NRP2: variants seen among roughly 807,000 people sequenced by gnomAD.
NRP2 encodes neuropilin 2, also known as neuropilin-2.
Under a neutral mutation model 110.4 loss-of-function variants are expected in NRP2, and 52 were observed. That is an observed-to-expected ratio of 0.47 (90% CI 0.38 to 0.59). The LOEUF (loss-of-function observed/expected upper bound fraction) is 0.59, where lower values mean the gene tolerates loss of function less well. NRP2 is among the 20% of genes least tolerant of loss of function. NRP2 has a pLI of 0.00. For missense variants in NRP2, 1,049 were observed against 1,203.0 expected, an observed-to-expected ratio of 0.87 and a Z score of 1.89; for synonymous variants, 508 against 468.9, an observed-to-expected ratio of 1.08 and a Z score of -1.08.
chr2:205,702,747 TC>T (rs1157067191), intron 2 of NRP2, among the ~76,000 whole-genome samples: 2 of 152,202 alleles, frequency 1.3e-5, no homozygotes, highest in Non-Finnish European at 2.9e-5. Context: ...CAGCAGTGTT[TC>T]CCTGTGCTCA....
chr2:205,780,040 A>G (rs986748095), intron 15 of NRP2, among the ~76,000 whole-genome samples: 13 of 152,212 alleles, frequency 8.5e-5, no homozygotes, highest in Admixed American at 7.2e-4. Flanking sequence ...ATTAGATTCT[A>G]CTTTCAAAGG....
chr2:205,722,165 T>TCA (rs1332297394), intron 3 of NRP2: 36 of 337,688 alleles, frequency 1.1e-4, no homozygotes, highest in African/African-American at 8.4e-4. Flanking sequence ...TCTCTCTCTC[T>TCA]CTCTCATACA....
intron 15 of NRP2, chr2:205,779,464 A>T (rs1289757861): frequency 2.6e-5 from 4 of 152,238 alleles, no homozygotes; most frequent in African/African-American, 9.6e-5. Context: ...TTGATAGCCG[A>T]TCTTTAAGAA....
chr2:205,752,484 T>A, intron 11 of NRP2: 3 of 343,520 alleles, frequency 8.7e-6, no homozygotes, highest in South Asian at 7.4e-5. Context: ...ACCAGGGCAC[T>A]GGGGAGACAT....
intron 13 of NRP2, 125 bp from the exon 14 acceptor site, chr2:205,765,348 TA>T (rs1306407757): frequency 3.1e-6 from 2 of 635,076 alleles, no homozygotes; most frequent in Non-Finnish European, 5.6e-6. Flanking sequence ...CCAGGTGCAA[TA>T]ACACACACAC....
Position 205,749,828 on chromosome 2 carries a change from C to T in NRP2, c.1890C>T (p.Cys630=). The part of the protein sequence containing the change: ...EEEATECGEN[C]SFEDDKDLQL... The stretch of plus-strand genomic sequence containing the variant: ...AGGCCACAGAGTGTGGGGAGAACTG[C>T]AGCTTTGAGGATGGTAAGCACAAAT... Residue 630 remains cysteine, a synonymous_variant, in exon 11 of 17, where the codon TGC becomes TGT. Coordinates refer to ENST00000357785, the MANE Select transcript of NRP2 (RefSeq NM_003872.3). 6.2e-7 allele frequency: 1 copy of T among 1,613,614 alleles called. No homozygotes were observed.
rs189245997 is a variant in NRP2 at position 205,774,467 on chromosome 2, G to A, written c.2425+7664G>A. Among the ~76,000 whole-genome samples the A allele has an allele frequency of 1.6e-4, 25 of 152,296 alleles. No homozygotes were observed. The East Asian group carries it at 4.0e-3, about 25-fold the overall frequency. On this transcript the variant is annotated intron_variant, in intron 15 of 16. Transcript: ENST00000357785. Reference sequence around the variant, plus strand: ...TTCTGGGGTCATTTCTACCCCAGGGGTTGTGGATGTGGCTGTCAAGGTGTG... The same window carrying A: ...TTCTGGGGTCATTTCTACCCCAGGGATTGTGGATGTGGCTGTCAAGGTGTG...
chr2:205,766,901 G>A, intron 15 of NRP2, 98 bp downstream of exon 15: 1 of 1,122,680 alleles, frequency 8.9e-7, no homozygotes, highest in Non-Finnish European at 1.3e-6. Flanking sequence ...CTCCAAATTT[G>A]TCAAATCTCG....
chr2:205,768,049 C>CATCA (rs1335486592), intron 15 of NRP2: 1 of 152,360 alleles, frequency 6.6e-6, no homozygotes, highest in African/African-American at 2.4e-5. Context: ...ATTTGCCACT[C>CATCA]ATCAGCTCTA....
intron 15 of NRP2, chr2:205,779,253 G>A (rs1362752088): frequency 1.3e-5 from 2 of 152,158 alleles, no homozygotes; most frequent in African/African-American, 4.8e-5. Flanking sequence ...CTTATTTCTG[G>A]GTTGAACTCC....
At chr2:205,764,104 C>T (rs2057871301) in intron 13 of NRP2, 168 bp downstream of exon 13, 4 of 842,000 alleles carry the variant, frequency 4.8e-6, no homozygotes, top group Admixed American at 5.6e-5. Context: ...ATGCCTATCT[C>T]TACACCCAGA....
chr2:205,731,147 T>C (rs950404260), intron 7 of NRP2, among the ~76,000 whole-genome samples: 1 of 152,194 alleles, frequency 6.6e-6, no homozygotes, highest in Non-Finnish European at 1.5e-5. Flanking sequence ...CCGCCTTATG[T>C]ATATTTATGG....
intron 3 of NRP2, 108 bp downstream of exon 3, chr2:205,716,482 T>C (rs2056898497): frequency 8.5e-7 from 1 of 1,175,474 alleles, no homozygotes; most frequent in Admixed American, 1.8e-5. Flanking sequence ...GTCATCCAGC[T>C]TGAGCATGGT....
Position 205,696,928 on chromosome 2 carries a change from G to T in NRP2, c.74-616G>T, listed in dbSNP as rs552658713. On this transcript the variant is annotated intron_variant, in intron 1 of 16. Transcript: ENST00000357785. Reference sequence around the variant, plus strand: ...ATATATGGAATTAAATGTTTGGGGGGTTTGCATTTTTTTTCTTAAAAAAAA... The same window carrying T: ...ATATATGGAATTAAATGTTTGGGGGTTTTGCATTTTTTTTCTTAAAAAAAA... 1.4e-4 allele frequency among the ~76,000 whole-genome samples: 22 copies of T among 152,198 alleles called. No homozygotes were observed. The South Asian group carries it at 4.6e-3, about 32-fold the overall frequency.
chr2:205,793,351 C>G (rs1198094596), intron 16 of NRP2, among the ~76,000 whole-genome samples: 1 of 152,160 alleles, frequency 6.6e-6, no homozygotes, highest in Non-Finnish European at 1.5e-5. Flanking sequence ...AGTTTCCTCA[C>G]CTATTAAAAT....
At chr2:205,791,782 A>G (rs1377624470) in intron 15 of NRP2, among the ~76,000 whole-genome samples, 1 of 152,232 alleles carries the variant, frequency 6.6e-6, no homozygotes, top group African/African-American at 2.4e-5. Context: ...TTAAACTACC[A>G]TATGTTTACA....
chr2:205,716,480 G>A, intron 3 of NRP2, 106 bp downstream of exon 3: 1 of 1,157,678 alleles, frequency 8.6e-7, no homozygotes, highest in Admixed American at 1.8e-5. Context: ...GTGTCATCCA[G>A]CTTGAGCATG....
chr2:205,709,400 C>G (rs965972351), intron 2 of NRP2, among the ~76,000 whole-genome samples: 5 of 152,210 alleles, frequency 3.3e-5, no homozygotes, highest in Non-Finnish European at 7.3e-5. Flanking sequence ...CTCTCAGGTG[C>G]TTCCTTAAGG....
Position 205,752,861 on chromosome 2 carries a change from T to C in NRP2, c.1930T>C (p.Phe644Leu). The change falls in exon 12 of 17, where the codon TTC (phenylalanine) becomes CTC (leucine). Residue 644 changes from phenylalanine (F) to leucine (L), a missense_variant. Phe to Leu is a conservative substitution (Grantham distance 22, BLOSUM62 0). Transcript: ENST00000357785. ...DDKDLQLPSG[F>L]NCNFDFLEEP... ...CAAAGATTTGCAGCTCCCTTCGGGATTCAATTGCAACTTCGATTTCCTCGA... is the reference window on the plus strand; with the variant it reads ...CAAAGATTTGCAGCTCCCTTCGGGACTCAATTGCAACTTCGATTTCCTCGA... The C allele has an allele frequency of 6.2e-7, 1 of 1,614,244 alleles. No homozygotes were observed. Among genetic ancestry groups the C allele is most frequent in the Non-Finnish European group, 8.5e-7 (1 of 1,180,044 alleles).
Sources: gnomAD v4.1 joint callset for allele counts (sites outside exome capture counted in the v4.1 genomes callset) on GRCh38, gnomAD v4.1.1 for gene constraint, MANE v1.5 for transcripts, NCBI Gene and HGNC (gene_info 2026-07-23, HGNC 2026-07-21) for gene names.